The following ALK variants were observed in gnomAD, a reference collection of about 807,000 sequenced individuals.
ALK encodes the protein ALK tyrosine kinase receptor.
ALK carries 74 observed loss-of-function variants against 163.1 expected under a neutral mutation model. That is an observed-to-expected ratio of 0.45 (90% CI 0.38 to 0.55). The LOEUF is 0.55. ALK is among the 20% of genes least tolerant of loss of function. The probability of loss-of-function intolerance (pLI) is 0.00; values close to 1 mark genes in which losing one functional copy is unlikely to be tolerated. For missense variants in ALK, 2,063 were observed against 2,105.3 expected (o/e 0.98, Z 0.39); for synonymous variants, 960 against 843.2 (o/e 1.14, Z -2.40).
At chr2:29,451,496 C>T (rs536333069) in intron 4 of ALK, among the ~76,000 whole-genome samples, 42 of 152,244 alleles carry the variant, frequency 2.8e-4, no homozygotes, top group African/African-American at 8.9e-4. Flanking sequence ...CTGCAGCCAA[C>T]CTACACTACT....
At chr2:29,489,511 GC>G (rs1671852272) in intron 4 of ALK, among the ~76,000 whole-genome samples, 1 of 152,138 alleles carries the variant, frequency 6.6e-6, no homozygotes, top group Non-Finnish European at 1.5e-5. Flanking sequence ...TGTTGCCCAG[GC>G]TGGTCTCAAA....
At chr2:29,870,939 G>A (rs1424820637) in intron 1 of ALK, among the ~76,000 whole-genome samples, 1 of 152,200 alleles carries the variant, frequency 6.6e-6, no homozygotes, top group African/African-American at 2.4e-5. Context: ...GAACCACAAG[G>A]TCATGCAGGA....
At chr2:29,750,776 T>C (rs1025246587) in intron 1 of ALK, among the ~76,000 whole-genome samples, 1 of 149,984 alleles carries the variant, frequency 6.7e-6, no homozygotes, top group African/African-American at 2.5e-5. Context: ...AGAAAGAGAA[T>C]GACAGAGGCC....
At chr2:29,499,322 A>C (rs1185548188) in intron 4 of ALK, among the ~76,000 whole-genome samples, 2 of 151,914 alleles carry the variant, frequency 1.3e-5, no homozygotes, top group Non-Finnish European at 2.9e-5. Flanking sequence ...TCAGCCTCCC[A>C]AGTAGCTGGA....
chr2:29,694,823 G>A (rs2148289500), intron 3 of ALK, 27 bp downstream of exon 3: 1 of 1,612,856 alleles, frequency 6.2e-7, no homozygotes. Context: ...GACCCACCCA[G>A]GACATCACCA....
At chr2:29,415,996 G>C (rs1453779458) in intron 4 of ALK, among the ~76,000 whole-genome samples, 2 of 152,162 alleles carry the variant, frequency 1.3e-5, no homozygotes, top group Non-Finnish European at 2.9e-5. Flanking sequence ...AGCTCCCCTG[G>C]ATCTCTGGCC....
intron 1 of ALK, among the ~76,000 whole-genome samples, chr2:29,740,433 G>A (rs1401889701): frequency 6.6e-6 from 1 of 151,080 alleles, no homozygotes; most frequent in Non-Finnish European, 1.5e-5. Flanking sequence ...CAGAGGGACA[G>A]TTAGACAAAG....
intron 1 of ALK, among the ~76,000 whole-genome samples, chr2:29,875,167 G>A (rs1666672308): frequency 6.6e-6 from 1 of 152,082 alleles, no homozygotes; most frequent in Non-Finnish European, 1.5e-5. Flanking sequence ...TTTATACAAT[G>A]GAATATCATT....
At chr2:29,817,039 A>G (rs1352699407) in intron 1 of ALK, among the ~76,000 whole-genome samples, 1 of 152,204 alleles carries the variant, frequency 6.6e-6, no homozygotes, top group East Asian at 1.9e-4. Flanking sequence ...TAGGAGGTAG[A>G]AAACTGTCCA....
At chr2:29,377,888 C>T (rs1668797329) in intron 5 of ALK, among the ~76,000 whole-genome samples, 1 of 152,192 alleles carries the variant, frequency 6.6e-6, no homozygotes, top group East Asian at 1.9e-4. Flanking sequence ...ATGACATCCT[C>T]TCTAATGAAT....
At chr2:29,636,871 C>T (rs1025956382) in intron 3 of ALK, among the ~76,000 whole-genome samples, 1 of 152,116 alleles carries the variant, frequency 6.6e-6, no homozygotes, top group Admixed American at 6.5e-5. Flanking sequence ...TAGGAAAACG[C>T]AAATTACAAC....
intron 9 of ALK, among the ~76,000 whole-genome samples, chr2:29,295,757 C>T (rs2148230124): frequency 6.6e-6 from 1 of 152,298 alleles, no homozygotes; most frequent in East Asian, 1.9e-4. Flanking sequence ...CCTCTGTCCT[C>T]ATTTTTTGAA....
intron 3 of ALK, among the ~76,000 whole-genome samples, chr2:29,645,619 C>A (rs2148249372): frequency 6.6e-6 from 1 of 152,226 alleles, no homozygotes; most frequent in East Asian, 1.9e-4. Context: ...GGACCAGGGC[C>A]CAGCAATTCC....
At chr2:29,814,765 C>G (rs942930116) in intron 1 of ALK, among the ~76,000 whole-genome samples, 4 of 152,134 alleles carry the variant, frequency 2.6e-5, no homozygotes, top group Non-Finnish European at 4.4e-5. Flanking sequence ...TGTTATTTAA[C>G]TTATCTGAGC....
At chr2:29,845,862 G>A (rs1427987159) in intron 1 of ALK, among the ~76,000 whole-genome samples, 1 of 152,196 alleles carries the variant, frequency 6.6e-6, no homozygotes, top group Non-Finnish European at 1.5e-5. Flanking sequence ...TGGGAACTGT[G>A]ACTCTCCACA....
chr2:29,382,397 A>G (rs1467825923), intron 5 of ALK, among the ~76,000 whole-genome samples: 1 of 152,204 alleles, frequency 6.6e-6, no homozygotes, highest in Non-Finnish European at 1.5e-5. Context: ...GAAAACATCT[A>G]TAGCTTGAGA....
At chr2:29,468,114 C>T (rs1314955247) in intron 4 of ALK, among the ~76,000 whole-genome samples, 4 of 151,804 alleles carry the variant, frequency 2.6e-5, no homozygotes, top group East Asian at 1.9e-4. Flanking sequence ...CTGCAACCTG[C>T]GCCTACCGGG....
At chr2:29,731,753 T>C (rs1679747991) in intron 1 of ALK, among the ~76,000 whole-genome samples, 1 of 152,220 alleles carries the variant, frequency 6.6e-6, no homozygotes, top group Non-Finnish European at 1.5e-5. Flanking sequence ...AATAGCAATT[T>C]GGCCCAAGAG....
At chr2:29,764,676 C>G (rs1324285028) in intron 1 of ALK, among the ~76,000 whole-genome samples, 1 of 152,168 alleles carries the variant, frequency 6.6e-6, no homozygotes, top group Non-Finnish European at 1.5e-5. Flanking sequence ...CAAAGACATT[C>G]AAGTCCAGTC....
Sources: gnomAD v4.1 joint callset for allele counts (sites outside exome capture counted in the v4.1 genomes callset) on GRCh38, gnomAD v4.1.1 for gene constraint, MANE v1.5 for transcripts, NCBI Gene and HGNC (gene_info 2026-07-23, HGNC 2026-07-21) for gene names.